Variants in CCDC39 observed in about 807,000 individuals in gnomAD.
CCDC39 encodes coiled-coil domain-containing protein 39.
CCDC39 carries 113 observed loss-of-function variants against 121.0 expected under a neutral mutation model. That is an observed-to-expected ratio of 0.93 (90% CI 0.80 to 1.09). CCDC39 has a LOEUF of 1.09. Among genes scored for constraint, CCDC39 ranks in the 50% least tolerant of loss-of-function variants. The pLI is 0.00. For missense variants in CCDC39, 1,063 were observed against 1,074.7 expected (o/e 0.99, Z 0.15); for synonymous variants, 349 against 352.2 (o/e 0.99, Z 0.10).
rs1718118510 is a variant in CCDC39, at chr3:180,648,224, G to A, written c.1303C>T (p.His435Tyr). Residue 435 changes from histidine (H) to tyrosine (Y), a missense_variant, in exon 10 of 20, where the codon CAT becomes TAT. By Grantham distance (83) the His-to-Tyr change is moderately conservative. Coordinates refer to ENST00000476379, the MANE Select transcript of CCDC39 (RefSeq NM_181426.2). Reference protein sequence around the residue: ...GTRSSLKHLNHQLQKLDFETL... With the variant: ...GTRSSLKHLNYQLQKLDFETL... ...TCAAAATCCAGTTTTTGTAACTGATGGTTGAGATGTTTCAGAGAGGAACGA... is the reference window on the plus strand; with the variant it reads ...TCAAAATCCAGTTTTTGTAACTGATAGTTGAGATGTTTCAGAGAGGAACGA... 6.2e-7 allele frequency: 1 copy of A among 1,613,238 alleles called. No individual in the cohort carries two copies. Among genetic ancestry groups the A allele is most frequent in the African/African-American group, 1.3e-5 (1 of 74,842 alleles).
At chr3:180,667,765 G>T (rs1711925021) in intron 1 of CCDC39, among the ~76,000 whole-genome samples, 1 of 151,920 alleles carries the variant, frequency 6.6e-6, no homozygotes, top group Non-Finnish European at 1.5e-5. Flanking sequence ...AAATGATGAA[G>T]GCCCAAAGTT....
At position 180,651,398 on chromosome 3, in the gene CCDC39, T is replaced by C. The variant is rs1225512283; in HGVS notation, c.1167+3A>G. 5 of 1,551,970 alleles carry C rather than the reference T, an allele frequency of 3.2e-6. No homozygotes were observed. The Admixed American group carries it at 5.9e-5, about 18-fold the overall frequency. ...TTAAAGAAAAATTAAAACTAAACTT[T>C]ACCTTCACATCTTTTTCCTCCTCCT... On this transcript the variant is annotated splice_donor_region_variant and intron_variant, in intron 9 of 19. Transcript: ENST00000476379.
At chr3:180,677,837 T>C (rs931771059) in intron 1 of CCDC39, among the ~76,000 whole-genome samples, 2 of 152,150 alleles carry the variant, frequency 1.3e-5, no homozygotes, top group Non-Finnish European at 1.5e-5. Context: ...GGAAATACCT[T>C]ATGTTTTTAT....
intron 11 of CCDC39, among the ~76,000 whole-genome samples, chr3:180,646,041 T>C (rs1468274417): frequency 1.3e-5 from 2 of 152,128 alleles, no homozygotes; most frequent in Non-Finnish European, 2.9e-5. Context: ...TGCTAAGATA[T>C]AAATTGCTTC....
At chr3:180,674,652 C>A (rs879430884) in intron 1 of CCDC39, among the ~76,000 whole-genome samples, 2 of 152,122 alleles carry the variant, frequency 1.3e-5, no homozygotes, top group Non-Finnish European at 2.9e-5. Context: ...AGATACGGCC[C>A]ATCAATACCT....
At chr3:180,630,990 A>C (rs141590047) in intron 14 of CCDC39, among the ~76,000 whole-genome samples, 3 of 152,316 alleles carry the variant, frequency 2.0e-5, no homozygotes, top group African/African-American at 7.2e-5. Context: ...GGCTATAGTG[A>C]AGTAAAGGAA....
At chr3:180,624,160 A>G (rs1187091290) in intron 14 of CCDC39, among the ~76,000 whole-genome samples, 3 of 152,166 alleles carry the variant, frequency 2.0e-5, no homozygotes, top group African/African-American at 7.2e-5. Context: ...TAATCCCTTT[A>G]TCATTATATA....
At chr3:180,627,285 T>C (rs1346294442) in intron 14 of CCDC39, among the ~76,000 whole-genome samples, 1 of 152,214 alleles carries the variant, frequency 6.6e-6, no homozygotes, top group Non-Finnish European at 1.5e-5. Context: ...AGCAAAAAAA[T>C]TATAGAAATT....
At chr3:180,620,647 T>C (rs939669043) in intron 14 of CCDC39, among the ~76,000 whole-genome samples, 4 of 151,982 alleles carry the variant, frequency 2.6e-5, no homozygotes, top group African/African-American at 9.7e-5. Flanking sequence ...CATATATATG[T>C]GTATATATAT....
At position 180,679,474 on chromosome 3, in the gene CCDC39, T is replaced by C. The variant is rs13069164; in HGVS notation, c.-94A>G. ...GCGTCAAGCCCAGGCACCTGCACAGTGCCGCGGCAATTGCCGGGGGAGCCC... is the reference window on the plus strand; with the variant it reads ...GCGTCAAGCCCAGGCACCTGCACAGCGCCGCGGCAATTGCCGGGGGAGCCC... On this transcript the variant is annotated 5_prime_UTR_variant, in exon 1 of 20. Transcript: ENST00000476379. The surrounding 1 kb of genome is among the most constrained non-coding windows in gnomAD (Gnocchi z 4.0). 1 of 1,192,636 alleles carries C rather than the reference T, an allele frequency of 8.4e-7. No homozygotes were observed. 73.9% of individuals were successfully genotyped at this position (1,192,636 alleles called of 1,614,324 possible).
Position 180,619,964 on chromosome 3 carries a change from G to T in CCDC39, c.2005C>A (p.Gln669Lys), listed in dbSNP as rs751147958. ...TCCCTTTGAAGTTCTTCTTTTTCTT[G>T]AGCAGCCTATGAAGTACAGAATAGA... ...TQAYYVIKAA[Q>K]EKEELQREGD... Residue 669 changes from glutamine to lysine, a missense_variant, in exon 15 of 20, where the codon CAA becomes AAA. Transcript: ENST00000476379. 1.3e-4 allele frequency: 213 copies of T among 1,602,594 alleles called. No homozygotes were observed. The highest frequency in any genetic ancestry group is 1.7e-4 in the Non-Finnish European group (203 of 1,174,200).
intron 1 of CCDC39, among the ~76,000 whole-genome samples, chr3:180,673,061 T>C (rs182837451): frequency 7.9e-5 from 12 of 152,332 alleles, no homozygotes; most frequent in Non-Finnish European, 1.5e-4. Context: ...TGCAATTTTA[T>C]TAACAAACTT....
Position 180,679,321 on chromosome 3 carries a change from C to G in CCDC39, c.60G>C (p.Ala20=), listed in dbSNP as rs761755432. The G allele has an allele frequency of 6.2e-7, 1 of 1,613,930 alleles. No individual in the cohort carries two copies. ...CTTCCAGTAGCTTGTTCTCCTCGTT[C>G]GCCACCGGGATGGCGAACCCATCCT... ...HWEDGFAIPV[A]NEENKLLEDQ... The change falls in exon 1 of 20, where the codon GCG becomes GCC. Residue 20 remains alanine, a synonymous_variant. Transcript: ENST00000476379. The surrounding 1 kb of genome is among the most constrained non-coding windows in gnomAD (Gnocchi z 4.0).
intron 13 of CCDC39, among the ~76,000 whole-genome samples, chr3:180,637,148 A>G (rs1717848934): frequency 6.6e-6 from 1 of 152,210 alleles, no homozygotes; most frequent in Non-Finnish European, 1.5e-5. Context: ...CAGACAACCT[A>G]CAAAATGGGA....
intron 1 of CCDC39, among the ~76,000 whole-genome samples, chr3:180,674,085 C>G (rs556707067): frequency 4.9e-4 from 75 of 152,094 alleles, no homozygotes; most frequent in Non-Finnish European, 9.0e-4. Context: ...GCCATTTTCA[C>G]GATATTGATT....
intron 13 of CCDC39, among the ~76,000 whole-genome samples, chr3:180,640,648 C>T (rs1717933619): frequency 6.6e-6 from 1 of 151,916 alleles, no homozygotes; most frequent in Non-Finnish European, 1.5e-5. Context: ...TTATAAACAA[C>T]TGTATGGCAA....
intron 19 of CCDC39, 36 bp downstream of exon 19, chr3:180,616,243 TGA>T: frequency 1.9e-6 from 3 of 1,575,054 alleles, no homozygotes; most frequent in Non-Finnish European, 2.6e-6. Context: ...TGTACAGCTG[TGA>T]GAGTTAAGCA....
At chr3:180,661,287 A>T (rs1242418103) in intron 3 of CCDC39, among the ~76,000 whole-genome samples, 1 of 152,084 alleles carries the variant, frequency 6.6e-6, no homozygotes, top group African/African-American at 2.4e-5. Flanking sequence ...AGAGACAACT[A>T]TATAAACAAA....
intron 6 of CCDC39, among the ~76,000 whole-genome samples, chr3:180,657,743 G>C (rs965288662): frequency 6.6e-6 from 1 of 152,080 alleles, no homozygotes; most frequent in East Asian, 1.9e-4. Context: ...TCAGGAACTC[G>C]CTCTTTTTTC....
Sources: allele counts gnomAD v4.1 joint callset (sites outside exome capture counted in the v4.1 genomes callset), GRCh38; gene constraint gnomAD v4.1.1; non-coding constraint Gnocchi (gnomAD v3.1); transcripts MANE v1.5; gene names NCBI Gene and HGNC (gene_info 2026-07-23, HGNC 2026-07-21).